The following SERPINA5 variants were observed in gnomAD, a reference collection of about 807,000 sequenced individuals.
SERPINA5 encodes the protein serpin family A member 5.
A neutral mutation model predicts 25.3 loss-of-function variants in SERPINA5; 25 were observed. That is an observed-to-expected ratio of 0.99 (90% CI 0.72 to 1.38). SERPINA5 has a LOEUF of 1.38. SERPINA5 is among the 40% of genes most tolerant of loss of function. SERPINA5 has a pLI of 0.00. For missense variants in SERPINA5, 599 were observed against 509.5 expected (o/e 1.18, Z -1.69); for synonymous variants, 234 against 206.2 (o/e 1.14, Z -1.16).
chr14:94,585,278 G>A (rs1566836530), intron 2 of SERPINA5, among the ~76,000 whole-genome samples: 1 of 152,154 alleles, frequency 6.6e-6, no homozygotes, highest in Non-Finnish European at 1.5e-5. Flanking sequence ...CCTGAAAGAG[G>A]GTGCGGGCAA....
intron 3 of SERPINA5, among the ~76,000 whole-genome samples, chr14:94,589,421 A>G (rs1427642471): frequency 6.6e-6 from 1 of 152,006 alleles, no homozygotes; most frequent in Non-Finnish European, 1.5e-5. Context: ...GCACTCCAGC[A>G]TGGGTCACAG....
intron 3 of SERPINA5, 21 bp downstream of exon 3, chr14:94,588,002 C>A (rs1885155751): frequency 1.3e-6 from 2 of 1,596,040 alleles, no homozygotes. Flanking sequence ...TGGGCCCAAA[C>A]CTGCACTTTC....
chr14:94,592,301 G>A lies in SERPINA5; in HGVS notation c.*62G>A, dbSNP rs763984096. 1 of 1,482,544 alleles carries A rather than the reference G, an allele frequency of 6.7e-7. No individual in the cohort carries two copies. The allele number at this position is 1,482,544 out of a possible 1,614,324, so 91.8% of individuals were successfully genotyped here. ...GGGAGATGAAGGGGGCTAAGCTATG[G>A]CCCATCTGTATGCTGGTAGCTAGTG... On this transcript the variant is annotated 3_prime_UTR_variant, in exon 6 of 6. Coordinates refer to ENST00000329597, the MANE Select transcript of SERPINA5 (RefSeq NM_000624.6).
intron 3 of SERPINA5, 28 bp downstream of exon 3, chr14:94,588,009 TTTC>T (rs1390970239): frequency 1.3e-6 from 2 of 1,588,038 alleles, no homozygotes; most frequent in Non-Finnish European, 1.7e-6. Flanking sequence ...AAACCTGCAC[TTTC>T]TTTGGCTTTT....
In SERPINA5 at chr14:94,592,376, T is replaced by A; in HGVS notation, c.*137T>A. 1.2e-6 allele frequency: 1 copy of A among 840,688 alleles called. No individual in the cohort carries two copies. Among genetic ancestry groups the A allele is most frequent in the Non-Finnish European group, 1.8e-6 (1 of 545,296 alleles). The allele number at this position is 840,688 out of a possible 1,614,324, so 52.1% of individuals were successfully genotyped here. On this transcript the variant is annotated 3_prime_UTR_variant, in exon 6 of 6. Coordinates refer to ENST00000329597, the MANE Select transcript of SERPINA5 (RefSeq NM_000624.6). ...TGAGGCATTACAAATAATATTACTC[T>A]ATGATGATTGCTTCCACCCACACGA...
chr14:94,584,707 C>T (rs955836856), intron 2 of SERPINA5, among the ~76,000 whole-genome samples: 3 of 152,168 alleles, frequency 2.0e-5, no homozygotes, highest in Admixed American at 1.3e-4. Context: ...TGGTCAGCTG[C>T]CCCTGGGCTG....
intron 2 of SERPINA5, among the ~76,000 whole-genome samples, chr14:94,584,129 G>C (rs933966624): frequency 1.3e-5 from 2 of 152,174 alleles, no homozygotes; most frequent in Non-Finnish European, 2.9e-5. Flanking sequence ...GAGGAGGAAC[G>C]AGGTATCACT....
chr14:94,589,638 C>T (rs981768065), intron 3 of SERPINA5, among the ~76,000 whole-genome samples: 5 of 152,040 alleles, frequency 3.3e-5, no homozygotes, highest in African/African-American at 1.2e-4. Flanking sequence ...AAATTTAAAT[C>T]AAAATATTGG....
intron 3 of SERPINA5, among the ~76,000 whole-genome samples, chr14:94,589,477 A>T (rs1430097676): frequency 2.6e-5 from 4 of 152,040 alleles, no homozygotes; most frequent in African/African-American, 4.8e-5. Context: ...AAAAAAGAAA[A>T]AAAGAAATAA....
At chr14:94,587,146 T>C (rs2139926474) in intron 2 of SERPINA5, among the ~76,000 whole-genome samples, 200 bp from the exon 3 acceptor site, 1 of 152,096 alleles carries the variant, frequency 6.6e-6, no homozygotes, top group South Asian at 2.1e-4. Flanking sequence ...CTCCTTCCTC[T>C]CCCCGTCATC....
chr14:94,591,544 G>GTTCTA (rs1449794789), intron 5 of SERPINA5, among the ~76,000 whole-genome samples: 2 of 35,674 alleles, frequency 5.6e-5, no homozygotes, highest in African/African-American at 2.1e-4. Context: ...CCTTTATTCT[G>GTTCTA]TTCTGTTCTA....
Position 94,590,583 on chromosome 14 carries a change from C to G in SERPINA5, c.891-166C>G, listed in dbSNP as rs1885246247. On this transcript the variant is annotated intron_variant, in intron 4 of 5. Coordinates refer to ENST00000329597, the MANE Select transcript of SERPINA5 (RefSeq NM_000624.6). ...AGTCCAGAGCAAGGGGAGGCTCATC[C>G]TAGAAAAGAGGCCAGAGGAGCCATA... 9 of 884,130 alleles carry G rather than the reference C, an allele frequency of 1.0e-5. No individual in the cohort carries two copies. In the South Asian group the frequency reaches 1.8e-4, roughly 18 times the overall value. The allele number at this position is 884,130 out of a possible 1,614,324, so 54.8% of individuals were successfully genotyped here.
At position 94,587,950 on chromosome 14, in the gene SERPINA5, C is replaced by T. The variant is rs747286301; in HGVS notation, c.588C>T (p.Val196=). 3.0e-5 allele frequency: 48 copies of T among 1,614,128 alleles called. No individual in the cohort carries two copies. Among genetic ancestry groups the T allele is most frequent in the Admixed American group, 6.7e-5 (4 of 60,018 alleles). ...TTAAGAACCTCGATAGCAATGCGGT[C>T]GTGATCATGGTGAATTACATCTTCT... ...DLLKNLDSNA[V]VIMVNYIFFK... Residue 196 remains valine (V), a synonymous_variant, in exon 3 of 6, where the codon GTC becomes GTT. Coordinates refer to ENST00000329597, the MANE Select transcript of SERPINA5 (RefSeq NM_000624.6).
chr14:94,585,967 C>T (rs566368438), intron 2 of SERPINA5, among the ~76,000 whole-genome samples: 4 of 152,244 alleles, frequency 2.6e-5, no homozygotes, highest in Admixed American at 2.6e-4. Flanking sequence ...GGAGCAGTGG[C>T]TCAAGGTGTA....
At chr14:94,589,862 C>T (rs560877639) in intron 3 of SERPINA5, among the ~76,000 whole-genome samples, 179 bp from the exon 4 acceptor site, 2 of 152,220 alleles carry the variant, frequency 1.3e-5, no homozygotes, top group African/African-American at 4.8e-5. Flanking sequence ...AAGAATGTGC[C>T]CAATGTTATA....
At chr14:94,583,932 C>T (rs1884994763) in intron 2 of SERPINA5, among the ~76,000 whole-genome samples, 1 of 152,216 alleles carries the variant, frequency 6.6e-6, no homozygotes, top group Admixed American at 6.5e-5. Context: ...AGTGCGATGG[C>T]AAACCCTGGA....
intron 2 of SERPINA5, among the ~76,000 whole-genome samples, chr14:94,585,764 CGTGTGTGT>C (rs3138588): frequency 0.011 from 1,602 of 145,830 alleles, 16 homozygotes; most frequent in South Asian, 0.028. Context: ...CAGGCTCACA[CGTGTGTGT>C]GTGTGTGTGT....
At chr14:94,589,861 C>T (rs1209640337) in intron 3 of SERPINA5, among the ~76,000 whole-genome samples, 180 bp from the exon 4 acceptor site, 1 of 152,134 alleles carries the variant, frequency 6.6e-6, no homozygotes, top group East Asian at 1.9e-4. Flanking sequence ...CAAGAATGTG[C>T]CCAATGTTAT....
chr14:94,583,055 C>G (rs2139921238), intron 2 of SERPINA5, among the ~76,000 whole-genome samples: 1 of 152,282 alleles, frequency 6.6e-6, no homozygotes, highest in South Asian at 2.1e-4. Context: ...GAAGAGTGAG[C>G]CTGGGGGTAT....
Sources: gnomAD v4.1 joint callset for allele counts (sites outside exome capture counted in the v4.1 genomes callset) on GRCh38, gnomAD v4.1.1 for gene constraint, MANE v1.5 for transcripts, NCBI Gene and HGNC (gene_info 2026-07-23, HGNC 2026-07-21) for gene names.